ZBTB24: variants seen among roughly 807,000 people sequenced by gnomAD.
ZBTB24 encodes zinc finger and BTB domain-containing protein 24.
ZBTB24 carries 32 observed loss-of-function variants against 53.8 expected under a neutral mutation model. The observed-to-expected ratio is 0.60, with a 90% CI of 0.45 to 0.80. The LOEUF is 0.80. ZBTB24 is among the 30% of genes least tolerant of loss of function. The pLI is 0.00. For synonymous variants in ZBTB24, 297 were observed against 306.7 expected (o/e 0.97, Z 0.33); for missense variants, 722 against 837.1 (o/e 0.86, Z 1.70).
Position 109,465,617 on chromosome 6 carries a change from A to T in ZBTB24, c.*234T>A, listed in dbSNP as rs1227555513. 1.3e-6 allele frequency: 2 copies of T among 1,531,690 alleles called. No individual in the cohort carries two copies. The highest frequency in any genetic ancestry group is 3.9e-5 in the Admixed American group (2 of 50,744). The allele number at this position is 1,531,690 out of a possible 1,614,324, so 94.9% of individuals were successfully genotyped here. A position where few individuals can be genotyped will look rare whatever the true frequency, so the allele number is the denominator to read the frequency against. ...GTCTTTATGAGACATTGCAGATTAAAATGAAAACCATTCAATAATATTGAA... is the reference window on the plus strand; with the variant it reads ...GTCTTTATGAGACATTGCAGATTAATATGAAAACCATTCAATAATATTGAA... On this transcript the variant is annotated 3_prime_UTR_variant, in exon 7 of 7. Coordinates refer to ENST00000230122, the MANE Select transcript of ZBTB24 (RefSeq NM_014797.3).
chr6:109,477,059 A>G, intron 2 of ZBTB24, 129 bp from the exon 3 acceptor site: 1 of 1,294,154 alleles, frequency 7.7e-7, no homozygotes, highest in South Asian at 1.3e-5. Flanking sequence ...AATGAACACA[A>G]GAGACATCAG....
In ZBTB24 at chr6:109,463,326, G is replaced by A. The variant is rs1462827516; in HGVS notation, c.*2525C>T. The A allele has an allele frequency of 6.6e-6, 1 of 152,096 alleles. No individual in the cohort carries two copies. Among genetic ancestry groups the A allele is most frequent in the Non-Finnish European group, 1.5e-5 (1 of 68,012 alleles). The allele number at this position is 152,096 out of a possible 1,614,324, so 9.4% of individuals were successfully genotyped here. On this transcript the variant is annotated 3_prime_UTR_variant, in exon 7 of 7. Coordinates refer to ENST00000230122, the MANE Select transcript of ZBTB24 (RefSeq NM_014797.3). ...TTCAAAGGGGTAGAATGTATATGTGGGACAAAGAAAGAGGCTAGATTAACA... is the reference window on the plus strand; with the variant it reads ...TTCAAAGGGGTAGAATGTATATGTGAGACAAAGAAAGAGGCTAGATTAACA...
At position 109,472,024 on chromosome 6, in the gene ZBTB24, TG is replaced by T. The variant is rs555372564; in HGVS notation, c.1288+3374del. 1.8e-3 allele frequency among the ~76,000 whole-genome samples: 273 copies of T among 152,286 alleles called. 1 individual carries two copies. The highest frequency in any genetic ancestry group is 6.4e-3 in the African/African-American group (266 of 41,558). On this transcript the variant is annotated intron_variant, in intron 5 of 6. Transcript: ENST00000230122. Reference sequence around the variant, plus strand: ...ATTTGCCTTTGACTTCTCCAGTGCTTGGTGCAGGACATCTAACCCAGAGAGT... The same window carrying T: ...ATTTGCCTTTGACTTCTCCAGTGCTTGTGCAGGACATCTAACCCAGAGAGT...
intron 6 of ZBTB24, among the ~76,000 whole-genome samples, chr6:109,467,277 C>T (rs1051443009): frequency 1.3e-5 from 2 of 152,160 alleles, no homozygotes. Context: ...AATCCCAACA[C>T]TTTGGGAGGC....
chr6:109,482,229 C>T (rs1776435730), intron 1 of ZBTB24, among the ~76,000 whole-genome samples, 175 bp from the exon 2 acceptor site: 1 of 152,192 alleles, frequency 6.6e-6, no homozygotes, highest in Non-Finnish European at 1.5e-5. Context: ...CCTGTAATCC[C>T]AGCACTTTGG....
intron 2 of ZBTB24, among the ~76,000 whole-genome samples, chr6:109,477,905 G>C (rs1776313848): frequency 6.6e-6 from 1 of 152,098 alleles, no homozygotes; most frequent in Non-Finnish European, 1.5e-5. Flanking sequence ...TAAGGACATG[G>C]GGCACAGCCA....
At chr6:109,474,289 A>C (rs1426510379) in intron 5 of ZBTB24, among the ~76,000 whole-genome samples, 1 of 152,194 alleles carries the variant, frequency 6.6e-6, no homozygotes, top group Non-Finnish European at 1.5e-5. Flanking sequence ...GACCTGCCCT[A>C]ATCAATGCTG....
intron 2 of ZBTB24, among the ~76,000 whole-genome samples, chr6:109,478,760 A>G (rs1256865439): frequency 6.6e-6 from 1 of 151,742 alleles, no homozygotes; most frequent in Non-Finnish European, 1.5e-5. Flanking sequence ...CCACCCTTAC[A>G]TATGATTTAA....
rs903046133 is a variant in ZBTB24 at position 109,473,714 on chromosome 6, G to A, written c.1288+1685C>T. ...TAAAACAATGTCTGGTTCCCAGTAAGTGCTCAGTACATGTGTTAAAATCCA... is the reference window on the plus strand; with the variant it reads ...TAAAACAATGTCTGGTTCCCAGTAAATGCTCAGTACATGTGTTAAAATCCA... On this transcript the variant is annotated intron_variant, in intron 5 of 6. Transcript: ENST00000230122. Among the ~76,000 whole-genome samples the A allele has an allele frequency of 2.0e-5, 3 of 152,170 alleles. No individual in the cohort carries two copies. In the East Asian group the frequency reaches 5.8e-4, roughly 29 times the overall value.
intron 2 of ZBTB24, among the ~76,000 whole-genome samples, chr6:109,479,951 A>G (rs1042957061): frequency 1.3e-4 from 20 of 151,050 alleles, no homozygotes; most frequent in African/African-American, 2.7e-4. Flanking sequence ...AAGCTAAAAT[A>G]TAACCTATTA....
intron 5 of ZBTB24, among the ~76,000 whole-genome samples, chr6:109,469,365 T>C (rs1410610319): frequency 1.3e-5 from 2 of 152,220 alleles, no homozygotes; most frequent in Non-Finnish European, 2.9e-5. Context: ...AACTATACCA[T>C]TCAGCTCCAG....
chr6:109,466,557 G>T lies in ZBTB24; in HGVS notation c.1388C>A (p.Ser463Tyr). The change falls in exon 7 of 7, where the codon TCC becomes TAC. Residue 463 changes from serine (S) to tyrosine (Y), a missense_variant. Ser to Tyr is a moderately radical substitution (Grantham distance 144, BLOSUM62 -2). Coordinates refer to ENST00000230122, the MANE Select transcript of ZBTB24 (RefSeq NM_014797.3). ...GAAGGATTTGCCACAAATGCCACAG[G>T]AGTATGGCTTTTCTCCTCTGTAAGA... Reference protein sequence around the residue: ...IRIHRGEKPYSCGICGKSFSD... With the variant: ...IRIHRGEKPYYCGICGKSFSD... The T allele has an allele frequency of 6.2e-7, 1 of 1,612,336 alleles. No homozygotes were observed. Among genetic ancestry groups the T allele is most frequent in the Non-Finnish European group, 8.5e-7 (1 of 1,180,018 alleles).
intron 2 of ZBTB24, 108 bp from the exon 3 acceptor site, chr6:109,477,038 A>G (rs1776293554): frequency 6.9e-7 from 1 of 1,454,518 alleles, no homozygotes; most frequent in African/African-American, 1.4e-5. Flanking sequence ...GCACACATCC[A>G]AAAGGCCAAC....
At position 109,462,961 on chromosome 6, in the gene ZBTB24, CACG is replaced by C. The variant is rs913424435; in HGVS notation, c.*2887_*2889del. 3.3e-5 allele frequency: 5 copies of C among 152,194 alleles called. No individual in the cohort carries two copies. Among genetic ancestry groups the C allele is most frequent in the Non-Finnish European group, 7.3e-5 (5 of 68,036 alleles). The allele number at this position is 152,194 out of a possible 1,614,324, so 9.4% of individuals were successfully genotyped here. A position where few individuals can be genotyped will look rare whatever the true frequency, so the allele number is the denominator to read the frequency against. On this transcript the variant is annotated 3_prime_UTR_variant, in exon 7 of 7. Transcript: ENST00000230122. ...GACACATGAGAAGTACTTTCATGTT[CACG>C]ACATTTCTTTTGGGTACTCAAGTCA...
At chr6:109,475,240 T>C (rs1393784987) in intron 5 of ZBTB24, among the ~76,000 whole-genome samples, 159 bp downstream of exon 5, 5 of 152,134 alleles carry the variant, frequency 3.3e-5, no homozygotes. Context: ...CTGACAACAT[T>C]CTGCCTTCCA....
chr6:109,466,444 G>A lies in ZBTB24; in HGVS notation c.1501C>T (p.Arg501Cys), dbSNP rs761036277. ...AAGTGAGCCTTCAAGTTGTCTAAGCGAGCAAACTGTAAGTTACACTCAGGG... is the reference window on the plus strand; with the variant it reads ...AAGTGAGCCTTCAAGTTGTCTAAGCAAGCAAACTGTAAGTTACACTCAGGG... ...SCPECNLQFA[R>C]LDNLKAHLKI... The change falls in exon 7 of 7, where the codon CGC becomes TGC. Residue 501 changes from arginine (R) to cysteine (C), a missense_variant. Arg to Cys is a radical substitution (Grantham distance 180). Coordinates refer to ENST00000230122, the MANE Select transcript of ZBTB24 (RefSeq NM_014797.3). 9 of 1,614,044 alleles carry A rather than the reference G, an allele frequency of 5.6e-6. No homozygotes were observed. Among genetic ancestry groups the A allele is most frequent in the African/African-American group, 1.3e-5 (1 of 74,908 alleles).
chr6:109,468,408 T>C (rs1000185032), intron 5 of ZBTB24, among the ~76,000 whole-genome samples: 1 of 152,022 alleles, frequency 6.6e-6, no homozygotes, highest in Non-Finnish European at 1.5e-5. Flanking sequence ...CATAGATCTG[T>C]ACCCCATAAA....
Position 109,481,128 on chromosome 6 carries a change from C to T in ZBTB24, c.899G>A (p.Gly300Asp), listed in dbSNP as rs2115366329. Reference sequence around the variant, plus strand: ...AAAGTGATTGTACTTAAAGACCTTGCCACAGTCTTTACAGCGGGCCTCAGG... The same window carrying T: ...AAAGTGATTGTACTTAAAGACCTTGTCACAGTCTTTACAGCGGGCCTCAGG... ...GGPEARCKDC[G>D]KVFKYNHFLA... Residue 300 changes from glycine (G) to aspartate (D), a missense_variant, in exon 2 of 7, where the codon GGC becomes GAC. Coordinates refer to ENST00000230122, the MANE Select transcript of ZBTB24 (RefSeq NM_014797.3). 2 of 1,614,194 alleles carry T rather than the reference C, an allele frequency of 1.2e-6. No individual in the cohort carries two copies. The highest frequency in any genetic ancestry group is 2.2e-5 in the South Asian group (2 of 91,080).
At chr6:109,481,013 T>C (rs771905426) in intron 2 of ZBTB24, 62 bp downstream of exon 2, 29 of 1,509,572 alleles carry the variant, frequency 1.9e-5, no homozygotes, top group Non-Finnish European at 2.5e-5. Flanking sequence ...ATGGAAGCTA[T>C]TATTATCATC....
Sources: allele counts gnomAD v4.1 joint callset (sites outside exome capture counted in the v4.1 genomes callset), GRCh38; gene constraint gnomAD v4.1.1; transcripts MANE v1.5; gene names NCBI Gene and HGNC (gene_info 2026-07-23, HGNC 2026-07-21).